USP25: variants seen among roughly 807,000 people sequenced by gnomAD.
USP25 encodes the protein ubiquitin carboxyl-terminal hydrolase 25.
In USP25, 85 loss-of-function variants were observed where a neutral mutation model predicts 158.5. The observed-to-expected ratio is 0.54, with a 90% CI of 0.45 to 0.64. The LOEUF (loss-of-function observed/expected upper bound fraction) is 0.64, where lower values mean the gene tolerates loss of function less well. USP25 is among the 30% of genes least tolerant of loss of function. USP25 has a pLI of 0.00. For missense variants in USP25, 1,242 were observed against 1,327.3 expected, an observed-to-expected ratio of 0.94 and a Z score of 1.00; for synonymous variants, 464 against 460.4, an observed-to-expected ratio of 1.01 and a Z score of -0.10.
chr21:15,762,790 G>A, intron 1 of USP25, 101 bp from the exon 2 acceptor site: 2 of 1,089,102 alleles, frequency 1.8e-6, no homozygotes, highest in South Asian at 3.4e-5. Context: ...ACTTTATTCT[G>A]TTTTTTGTTT....
intron 20 of USP25, among the ~76,000 whole-genome samples, chr21:15,859,967 ATG>A (rs563034526): frequency 7.0e-6 from 1 of 142,114 alleles, no homozygotes; most frequent in African/African-American, 2.7e-5. Flanking sequence ...GGATATATAT[ATG>A]TATATATATA....
intron 11 of USP25, among the ~76,000 whole-genome samples, chr21:15,824,400 G>C (rs1046741689): frequency 5.3e-5 from 8 of 152,026 alleles, no homozygotes; most frequent in Admixed American, 3.9e-4. Context: ...TTAAAATTCA[G>C]AATTTTAAAA....
chr21:15,824,847 C>T lies in USP25; in HGVS notation c.1209-119C>T. ...GCCAGGCTGGTCTTGAACTCCTGAC[C>T]TCAGGTGATCCTCCCGCCTTGGCGT... is the stretch of plus-strand genomic sequence containing the variant. On this transcript the variant is annotated intron_variant, in intron 11 of 25. Transcript: ENST00000400183. The T allele has an allele frequency of 4.1e-6, 3 of 733,754 alleles. 1 individual carries two copies. The highest frequency in any genetic ancestry group is 3.2e-5 in the South Asian group (2 of 61,608). The allele number at this position is 733,754 out of a possible 1,614,324, so 45.5% of individuals were successfully genotyped here.
intron 1 of USP25, among the ~76,000 whole-genome samples, chr21:15,744,628 GC>G (rs747152218): frequency 1.7e-4 from 26 of 150,028 alleles, no homozygotes; most frequent in Admixed American, 5.3e-4. Context: ...CGTTCTTGTT[GC>G]CCAGGCTGGA....
At chr21:15,827,759 CGTGTGCGTGTGT>C (rs1319751127) in intron 14 of USP25, among the ~76,000 whole-genome samples, 2 of 102,698 alleles carry the variant, frequency 1.9e-5, no homozygotes, top group East Asian at 5.3e-4. Flanking sequence ...CACTTGTGTG[CGTGTGCGTGTGT>C]GTGTGTGTGT....
chr21:15,777,963 T>C lies in USP25; in HGVS notation c.328T>C (p.Leu110=). 1 of 1,611,962 alleles carries C rather than the reference T, an allele frequency of 6.2e-7. No individual in the cohort carries two copies. Among genetic ancestry groups the C allele is most frequent in the Non-Finnish European group, 8.5e-7 (1 of 1,179,114 alleles). Reference sequence around the variant, plus strand: ...TCTTCAGAGAGCAATTGCCTTGAGTTTGGCCGAATCAAACAGGGCATTCAG... The same window carrying C: ...TCTTCAGAGAGCAATTGCCTTGAGTCTGGCCGAATCAAACAGGGCATTCAG... ...DDLQRAIALS[L]AESNRAFRET... is the part of the protein sequence containing the mutation. The change falls in exon 4 of 26, where the codon TTG becomes CTG. Residue 110 remains leucine, a synonymous_variant. Coordinates refer to ENST00000400183, the MANE Select transcript of USP25 (RefSeq NM_001283041.3).
At chr21:15,832,482 G>GTAA (rs1248358542) in intron 16 of USP25, among the ~76,000 whole-genome samples, 1 of 152,142 alleles carries the variant, frequency 6.6e-6, no homozygotes, top group East Asian at 1.9e-4. Flanking sequence ...TAGAAGTTCA[G>GTAA]TAATTCTTCT....
intron 5 of USP25, 81 bp downstream of exon 5, chr21:15,791,745 A>G (rs1489564321): frequency 2.1e-6 from 3 of 1,456,996 alleles, no homozygotes; most frequent in African/African-American, 1.4e-5. Context: ...TAAGTTGTGT[A>G]CTTTAAAGAT....
chr21:15,779,329 C>G (rs372323711), intron 4 of USP25, among the ~76,000 whole-genome samples: 4 of 151,794 alleles, frequency 2.6e-5, no homozygotes, highest in Non-Finnish European at 2.9e-5. Flanking sequence ...TATGAAACAA[C>G]AATACTTAAA....
intron 23 of USP25, among the ~76,000 whole-genome samples, chr21:15,871,998 AAAAG>A (rs1434695349): frequency 8.0e-5 from 12 of 149,150 alleles, no homozygotes; most frequent in Admixed American, 3.4e-4. Flanking sequence ...CTCAAAAAAA[AAAAG>A]AAAGAAATAC....
At chr21:15,784,740 G>T (rs1007894096) in intron 4 of USP25, among the ~76,000 whole-genome samples, 6 of 151,980 alleles carry the variant, frequency 3.9e-5, no homozygotes, top group African/African-American at 9.7e-5. Context: ...TAGCTCCATG[G>T]TAACCACAAG....
chr21:15,756,917 G>C (rs1487455040), intron 1 of USP25, among the ~76,000 whole-genome samples: 1 of 152,164 alleles, frequency 6.6e-6, no homozygotes, highest in Non-Finnish European at 1.5e-5. Flanking sequence ...GAGCCCAGAA[G>C]AGGAGCTCTA....
rs567331981 is a variant in USP25, at chr21:15,873,958, T to C, written c.2886-445T>C. On this transcript the variant is annotated intron_variant, in intron 23 of 25. Transcript: ENST00000400183. ...CTCAGTAACTAAAACTGTCTGCACA[T>C]AGAAAAGAACCTGTCTAAGTTGTCA... is the stretch of plus-strand genomic sequence containing the variant. 1.4e-3 allele frequency among the ~76,000 whole-genome samples: 217 copies of C among 150,008 alleles called. 1 individual carries two copies. Among genetic ancestry groups the C allele is most frequent in the Non-Finnish European group, 2.2e-3 (153 of 68,010 alleles).
At chr21:15,858,157 A>G (rs983402661) in intron 20 of USP25, among the ~76,000 whole-genome samples, 7 of 152,112 alleles carry the variant, frequency 4.6e-5, no homozygotes, top group African/African-American at 1.7e-4. Flanking sequence ...TTGTTCTTTT[A>G]TAAACAGGAA....
chr21:15,861,931 A>T (rs1204517152), intron 20 of USP25, among the ~76,000 whole-genome samples: 1 of 152,108 alleles, frequency 6.6e-6, no homozygotes, highest in Non-Finnish European at 1.5e-5. Context: ...TGCTTGTGAA[A>T]ATTAGGAGAG....
At chr21:15,829,841 T>A (rs1488592540) in intron 14 of USP25, among the ~76,000 whole-genome samples, 1 of 152,160 alleles carries the variant, frequency 6.6e-6, no homozygotes, top group Non-Finnish European at 1.5e-5. Context: ...GTTACTAGTT[T>A]TCTGACAGGC....
intron 1 of USP25, among the ~76,000 whole-genome samples, chr21:15,754,862 T>G (rs1380748265): frequency 6.6e-6 from 1 of 152,220 alleles, no homozygotes; most frequent in Non-Finnish European, 1.5e-5. Context: ...TTCTGGCTAT[T>G]TAGAGACTGG....
chr21:15,754,220 C>T (rs568094947), intron 1 of USP25, among the ~76,000 whole-genome samples: 1 of 152,266 alleles, frequency 6.6e-6, no homozygotes, highest in Admixed American at 6.5e-5. Context: ...GGTGGTGTGT[C>T]CTGAGCCCCA....
chr21:15,750,949 T>C (rs1343839528), intron 1 of USP25, among the ~76,000 whole-genome samples: 1 of 152,144 alleles, frequency 6.6e-6, no homozygotes, highest in Non-Finnish European at 1.5e-5. Flanking sequence ...AGAATTATAT[T>C]ATTAATACAC....
Sources: gnomAD v4.1 joint callset for allele counts (sites outside exome capture counted in the v4.1 genomes callset) on GRCh38, gnomAD v4.1.1 for gene constraint, MANE v1.5 for transcripts, NCBI Gene and HGNC (gene_info 2026-07-23, HGNC 2026-07-21) for gene names.